Variants in TERB1 observed in about 807,000 individuals in gnomAD.
TERB1 encodes the protein telomere repeat binding bouquet formation protein 1, also known as telomere repeats-binding bouquet formation protein 1.
Under a neutral mutation model 92.3 loss-of-function variants are expected in TERB1, and 63 were observed. The ratio of observed to expected loss-of-function variants is 0.68; its 90% CI spans 0.56 to 0.84. The LOEUF is 0.84. Ranked by LOEUF, TERB1 falls within the 40% of genes least tolerant of loss-of-function variation. TERB1 has a pLI of 0.00. For missense variants in TERB1, 709 were observed against 843.7 expected, an observed-to-expected ratio of 0.84 and a Z score of 1.98; for synonymous variants, 252 against 283.9, an observed-to-expected ratio of 0.89 and a Z score of 1.13.
intron 2 of TERB1, among the ~76,000 whole-genome samples, chr16:66,799,292 A>G (rs1959219408): frequency 6.6e-6 from 1 of 151,974 alleles, no homozygotes; most frequent in Non-Finnish European, 1.5e-5. Flanking sequence ...CAGTGGTGTG[A>G]TCTCAGCTCA....
At position 66,772,686 on chromosome 16, in the gene TERB1, T is replaced by A; in HGVS notation, c.1175A>T (p.Lys392Met). Residue 392 changes from lysine (K) to methionine (M), a missense_variant, in exon 13 of 19, where the codon AAG becomes ATG. Physicochemically the swap from Lys to Met is moderately conservative, Grantham distance 95. Coordinates refer to ENST00000433154, the MANE Select transcript of TERB1 (RefSeq NM_001136505.2). ...PFDENETQQL[K>M]DISVKENNLE... ...ATTATTCTCCTTCACACTTATGTCC[T>A]TTAATTGCTGTGTTTCATTTTCATC... is the stretch of plus-strand genomic sequence containing the variant. 1 of 1,549,806 alleles carries A rather than the reference T, an allele frequency of 6.5e-7. No individual in the cohort carries two copies. Among genetic ancestry groups the A allele is most frequent in the Non-Finnish European group, 8.7e-7 (1 of 1,145,410 alleles).
intron 17 of TERB1, 150 bp from the exon 18 acceptor site, chr16:66,758,988 C>T (rs1174560227): frequency 2.2e-6 from 2 of 917,252 alleles, no homozygotes; most frequent in Non-Finnish European, 3.3e-6. Flanking sequence ...TCTAAGACTA[C>T]TCCCTGGGTA....
chr16:66,790,336 G>T (rs1351692536), intron 5 of TERB1, among the ~76,000 whole-genome samples: 2 of 134,026 alleles, frequency 1.5e-5, no homozygotes, highest in Non-Finnish European at 3.0e-5. Context: ...GAAGGGAAGA[G>T]AAAAGAAAGA....
intron 9 of TERB1, among the ~76,000 whole-genome samples, chr16:66,781,898 C>T (rs2018644635): frequency 6.6e-6 from 1 of 152,140 alleles, no homozygotes; most frequent in African/African-American, 2.4e-5. Flanking sequence ...GCAAGCTCTT[C>T]CGAAGAGCAA....
At chr16:66,758,687 G>A (rs1374625543) in intron 18 of TERB1, 86 bp downstream of exon 18, 2 of 768,126 alleles carry the variant, frequency 2.6e-6, no homozygotes, top group Non-Finnish European at 4.3e-6. Context: ...GCTGCAGTGA[G>A]CCGAGATTGC....
In TERB1 at chr16:66,772,598, TTC is replaced by T. The variant is rs1263259452; in HGVS notation, c.1261_1262del (p.Glu421ArgfsTer3). The T allele has an allele frequency of 6.5e-7, 1 of 1,541,214 alleles. No homozygotes were observed. The highest frequency in any genetic ancestry group is 2.1e-5 in the Admixed American group (1 of 47,490). ...ILHRIEQLER[E>X]GNEEEIQREN... Reference sequence around the variant, plus strand: ...AAACAAAGAATCCAACCTCATTTCCTTCTCTTTCAAGCTGTTCTATTCTGTGT... The same window carrying T: ...AAACAAAGAATCCAACCTCATTTCCTTCTTTCAAGCTGTTCTATTCTGTGT... On this transcript the variant is annotated frameshift_variant, in exon 13 of 19. Transcript: ENST00000433154. LOFTEE classifies it high-confidence loss of function.
chr16:66,759,818 A>AG (rs982653992), intron 16 of TERB1, among the ~76,000 whole-genome samples: 1 of 147,358 alleles, frequency 6.8e-6, no homozygotes, highest in African/African-American at 2.5e-5. Context: ...AAAAAAAAAA[A>AG]AGGAAAGAAA....
At chr16:66,758,330 G>C (rs1372958471) in intron 18 of TERB1, 1 of 158,532 alleles carries the variant, frequency 6.3e-6, no homozygotes, top group Non-Finnish European at 1.4e-5. Context: ...TTTATTAGAA[G>C]GTCTGACCCT....
At position 66,790,595 on chromosome 16, in the gene TERB1, C is replaced by T. The variant is rs1456457070; in HGVS notation, c.271G>A (p.Val91Ile). ...AATGAAATAAAGTTTTATATTTTAC[C>T]ATTTTTCTCTGCAATAGCTCCTAAT... ...YTLGAIAEKN[V>I]YCQQTLCTSE... The change falls in exon 5 of 19, where the codon GTT (valine) becomes ATT (isoleucine). Residue 91 changes from valine (V) to isoleucine (I), a missense_variant and splice_region_variant. By Grantham distance (29) the Val-to-Ile change is conservative. Transcript: ENST00000433154. The T allele has an allele frequency of 6.5e-7, 1 of 1,535,604 alleles. No homozygotes were observed. The highest frequency in any genetic ancestry group is 2.0e-5 in the Admixed American group (1 of 49,702).
chr16:66,790,205 T>C (rs534262027), intron 5 of TERB1, among the ~76,000 whole-genome samples: 1 of 130,348 alleles, frequency 7.7e-6, no homozygotes, highest in South Asian at 2.3e-4. Context: ...GGAAAGAAGA[T>C]GAAAGAGAAA....
intron 9 of TERB1, among the ~76,000 whole-genome samples, chr16:66,783,872 A>G (rs1442952112): frequency 1.3e-5 from 2 of 152,206 alleles, no homozygotes; most frequent in East Asian, 3.8e-4. Flanking sequence ...CTGGGACTAC[A>G]GGCATGCGCC....
chr16:66,778,628 G>A (rs111862191), intron 10 of TERB1, among the ~76,000 whole-genome samples: 54 of 151,932 alleles, frequency 3.6e-4, no homozygotes, highest in Non-Finnish European at 3.4e-4. Flanking sequence ...ATGTTGGCCA[G>A]GCTGGTCTTG....
chr16:66,755,130 T>G lies in TERB1; in HGVS notation c.2030A>C (p.Glu677Ala), dbSNP rs1230638264. ...KRRIRKNFTE[E>A]EVNYLFNGVK... ...TCCATTGAAAAGGTAATTTACTTCT[T>G]CTTCAGTAAAGTTTTTGCGAATTCT... The change falls in exon 19 of 19, where the codon GAA (glutamate) becomes GCA (alanine). Residue 677 changes from glutamate (E) to alanine (A), a missense_variant. Glu to Ala is a moderately radical substitution (Grantham distance 107). Coordinates refer to ENST00000433154, the MANE Select transcript of TERB1 (RefSeq NM_001136505.2). The G allele has an allele frequency of 6.5e-7, 1 of 1,548,370 alleles. No individual in the cohort carries two copies. Among genetic ancestry groups the G allele is most frequent in the Admixed American group, 2.0e-5 (1 of 50,794 alleles).
rs1176298240 is a variant in TERB1, at chr16:66,759,417, C to A, written c.1781-127G>T. On this transcript the variant is annotated intron_variant, in intron 16 of 18. Transcript: ENST00000433154. ...GGAACTATAAACACCTCAAGAAGCT[C>A]AAAATCATATGAGGGAGTAAAGACA... 14 of 694,694 alleles carry A rather than the reference C, an allele frequency of 2.0e-5. No homozygotes were observed. In the Admixed American group the frequency reaches 2.0e-4, roughly 10 times the overall value. 43.0% of individuals were successfully genotyped at this position (694,694 alleles called of 1,614,324 possible).
chr16:66,781,628 T>C (rs2018638767), intron 9 of TERB1, among the ~76,000 whole-genome samples: 2 of 151,480 alleles, frequency 1.3e-5, no homozygotes, highest in Admixed American at 1.3e-4. Context: ...CATGCCATTC[T>C]CCTGCCTCAG....
intron 10 of TERB1, 124 bp downstream of exon 10, chr16:66,778,739 T>C (rs1190059939): frequency 2.5e-6 from 2 of 809,580 alleles, no homozygotes; most frequent in Non-Finnish European, 3.5e-6. Context: ...TTTCTAATAC[T>C]TCCTTCCACC....
intron 13 of TERB1, 68 bp downstream of exon 13, chr16:66,772,521 G>T: frequency 7.3e-7 from 1 of 1,367,482 alleles, no homozygotes; most frequent in Non-Finnish European, 9.9e-7. Flanking sequence ...AGTGTAGTAT[G>T]GAGAAAAAAG....
At chr16:66,787,313 G>A (rs1475471152) in intron 6 of TERB1, among the ~76,000 whole-genome samples, 1 of 146,294 alleles carries the variant, frequency 6.8e-6, no homozygotes, top group Non-Finnish European at 1.5e-5. Context: ...TCTTTGTAGA[G>A]AGACAAGGTC....
chr16:66,789,017 CAA>C (rs57876042), intron 5 of TERB1, among the ~76,000 whole-genome samples: 5 of 68,320 alleles, frequency 7.3e-5, no homozygotes, highest in Admixed American at 1.9e-4. Flanking sequence ...GGTATGGTAC[CAA>C]AAAAAAAAAA....
Sources: allele counts gnomAD v4.1 joint callset (sites outside exome capture counted in the v4.1 genomes callset), GRCh38; gene constraint gnomAD v4.1.1; transcripts MANE v1.5; gene names NCBI Gene and HGNC (gene_info 2026-07-23, HGNC 2026-07-21).